Variants in ZNF283 observed in about 807,000 individuals in gnomAD.
ZNF283 encodes the protein zinc finger protein 283.
Under a neutral mutation model 9.2 loss-of-function variants are expected in ZNF283, and 10 were observed. The ratio of observed to expected loss-of-function variants is 1.09; its 90% CI spans 0.67 to 1.85. The LOEUF is 1.85. Among genes scored for constraint, ZNF283 ranks in the 40% most tolerant of loss-of-function variants. The pLI is 0.00. For missense variants in ZNF283, 631 were observed against 760.1 expected, an observed-to-expected ratio of 0.83 and a Z score of 2.00; for synonymous variants, 234 against 244.1, an observed-to-expected ratio of 0.96 and a Z score of 0.38.
chr19:43,848,666 G>A lies in ZNF283; in HGVS notation c.*25G>A. On this transcript the variant is annotated 3_prime_UTR_variant, in exon 7 of 7. Coordinates refer to ENST00000618787, the MANE Select transcript of ZNF283 (RefSeq NM_181845.2). Reference sequence around the variant, plus strand: ...ATTGAAAGTTGTAAAAGAATATTTTGTGTGTGTGTATAGACAACTTATCAT... The same window carrying A: ...ATTGAAAGTTGTAAAAGAATATTTTATGTGTGTGTATAGACAACTTATCAT... 6.6e-7 allele frequency: 1 copy of A among 1,521,520 alleles called. No homozygotes were observed. Among genetic ancestry groups the A allele is most frequent in the Non-Finnish European group, 8.8e-7 (1 of 1,134,454 alleles). 94.3% of individuals were successfully genotyped at this position (1,521,520 alleles called of 1,614,324 possible).
chr19:43,835,464 C>T, intron 4 of ZNF283, 41 bp from the exon 5 acceptor site: 1 of 1,377,132 alleles, frequency 7.3e-7, no homozygotes, highest in Admixed American at 1.8e-5. Context: ...GATGGGATCA[C>T]TGAGGCACAC....
Position 43,830,033 on chromosome 19 carries a change from G to A in ZNF283, c.-64-1285G>A, listed in dbSNP as rs139972062. 5.7e-3 allele frequency among the ~76,000 whole-genome samples: 875 copies of A among 152,192 alleles called. 3 individuals carry two copies. The highest frequency in any genetic ancestry group is 9.5e-3 in the Non-Finnish European group (643 of 67,986). On this transcript the variant is annotated intron_variant, in intron 2 of 6. Coordinates refer to ENST00000618787, the MANE Select transcript of ZNF283 (RefSeq NM_181845.2). ...GCAAGACTGTCTCACACACAGACAC[G>A]AAAAAGTGACCACATGCTCAAATGA...
rs1313183522 is a variant in ZNF283 at position 43,850,972 on chromosome 19, A to G, written c.*2331A>G. ...AACTAAATGTCTGTGGTTCCTTGTCATAGGTCTACACCTGACCTCTCTATT... is the reference window on the plus strand; with the variant it reads ...AACTAAATGTCTGTGGTTCCTTGTCGTAGGTCTACACCTGACCTCTCTATT... On this transcript the variant is annotated 3_prime_UTR_variant, in exon 7 of 7. Transcript: ENST00000618787. The G allele has an allele frequency of 6.6e-6, 1 of 152,212 alleles. No individual in the cohort carries two copies. Among genetic ancestry groups the G allele is most frequent in the African/African-American group, 2.4e-5 (1 of 41,440 alleles). The allele number at this position is 152,212 out of a possible 1,614,324, so 9.4% of individuals were successfully genotyped here.
At position 43,850,207 on chromosome 19, in the gene ZNF283, T is replaced by C. The variant is rs1971567713; in HGVS notation, c.*1566T>C. 6.6e-6 allele frequency: 1 copy of C among 152,226 alleles called. No homozygotes were observed. Among genetic ancestry groups the C allele is most frequent in the Non-Finnish European group, 1.5e-5 (1 of 68,036 alleles). The allele number at this position is 152,226 out of a possible 1,614,324, so 9.4% of individuals were successfully genotyped here. On this transcript the variant is annotated 3_prime_UTR_variant, in exon 7 of 7. Transcript: ENST00000618787. ...ATTTCTCGTAACATGAAGTTGGAAA[T>C]AGAGGCTTAAACATTTTTTACCAGA...
Position 43,848,704 on chromosome 19 carries a change from T to A in ZNF283, c.*63T>A. 1 of 1,447,544 alleles carries A rather than the reference T, an allele frequency of 6.9e-7. No individual in the cohort carries two copies. The allele number at this position is 1,447,544 out of a possible 1,614,324, so 89.7% of individuals were successfully genotyped here. On this transcript the variant is annotated 3_prime_UTR_variant, in exon 7 of 7. Coordinates refer to ENST00000618787, the MANE Select transcript of ZNF283 (RefSeq NM_181845.2). ...GACAACTTATCATAATAAGAACTCT[T>A]ACTCTTGAGAAACCTTGTGAATGTA...
intron 2 of ZNF283, among the ~76,000 whole-genome samples, chr19:43,830,418 T>G (rs1970653932): frequency 6.6e-6 from 1 of 152,144 alleles, no homozygotes; most frequent in African/African-American, 2.4e-5. Flanking sequence ...CTTGTTCCAT[T>G]GACGAGCTTC....
At chr19:43,835,736 A>G (rs1341066320) in intron 5 of ZNF283, 144 bp downstream of exon 5, 4 of 621,304 alleles carry the variant, frequency 6.4e-6, no homozygotes, top group African/African-American at 5.5e-5. Flanking sequence ...CTTGGTCTCA[A>G]CCTCAGTTTA....
chr19:43,845,026 A>C (rs763730208), intron 6 of ZNF283, among the ~76,000 whole-genome samples: 2 of 152,286 alleles, frequency 1.3e-5, no homozygotes, highest in Non-Finnish European at 2.9e-5. Context: ...ATCTTTCTTA[A>C]AATTAATTTA....
chr19:43,838,644 T>G (rs1404271712), intron 6 of ZNF283, among the ~76,000 whole-genome samples: 1 of 152,108 alleles, frequency 6.6e-6, no homozygotes, highest in Non-Finnish European at 1.5e-5. Context: ...TAAATAAATA[T>G]TGTGTTCCTC....
At position 43,850,235 on chromosome 19, in the gene ZNF283, A is replaced by G. The variant is rs1971568442; in HGVS notation, c.*1594A>G. 6.6e-6 allele frequency: 1 copy of G among 152,182 alleles called. No homozygotes were observed. Among genetic ancestry groups the G allele is most frequent in the Non-Finnish European group, 1.5e-5 (1 of 68,032 alleles). The allele number at this position is 152,182 out of a possible 1,614,324, so 9.4% of individuals were successfully genotyped here. ...AGGCTTAAACATTTTTTACCAGAAC[A>G]CTTCATAGATGGTGATGTGTACTTC... On this transcript the variant is annotated 3_prime_UTR_variant, in exon 7 of 7. Coordinates refer to ENST00000618787, the MANE Select transcript of ZNF283 (RefSeq NM_181845.2).
chr19:43,842,899 G>A (rs551231078), intron 6 of ZNF283, among the ~76,000 whole-genome samples: 1 of 152,244 alleles, frequency 6.6e-6, no homozygotes, highest in East Asian at 1.9e-4. Flanking sequence ...TGAAGAAGCA[G>A]TATTCATTTT....
rs771020581 is a variant in ZNF283, at chr19:43,848,122, A to G, written c.1521A>G (p.Val507=). 7 of 1,613,768 alleles carry G rather than the reference A, an allele frequency of 4.3e-6. No individual in the cohort carries two copies. Among genetic ancestry groups the G allele is most frequent in the East Asian group, 4.5e-5 (2 of 44,858 alleles). The change falls in exon 7 of 7, where the codon GTA becomes GTG. Residue 507 remains valine (V), a synonymous_variant. Transcript: ENST00000618787. The part of the protein sequence containing the change: ...CSGYQLTRHQ[V]FHTGEKPYEC... The stretch of plus-strand genomic sequence containing the variant: ...GGTATCAACTTACTCGACATCAGGT[A>G]TTTCACACTGGTGAGAAACCCTATG...
intron 6 of ZNF283, among the ~76,000 whole-genome samples, chr19:43,839,026 T>C (rs746928194): frequency 3.9e-5 from 6 of 152,230 alleles, no homozygotes; most frequent in African/African-American, 7.2e-5. Context: ...TGTAGTTACC[T>C]TTACCAATGT....
At chr19:43,832,343 A>G (rs1323649481) in intron 3 of ZNF283, among the ~76,000 whole-genome samples, 3 of 152,244 alleles carry the variant, frequency 2.0e-5, no homozygotes, top group Non-Finnish European at 2.9e-5. Flanking sequence ...TGTAAATACC[A>G]GGAGGTAGAA....
At position 43,837,077 on chromosome 19, in the gene ZNF283, G is replaced by A; in HGVS notation, c.235G>A (p.Ala79Thr). ...GGGGTTGGTGACATTCAGGGATGTG[G>A]CCATCGACTTCTCTCAGGAGGAGTG... ...TDGLVTFRDV[A>T]IDFSQEEWEC... The change falls in exon 6 of 7, where the codon GCC becomes ACC. Residue 79 changes from alanine to threonine, a missense_variant. Around this residue, in one of 3 missense-constraint regions of ZNF283, gnomAD observed 184 missense variants for 220.0 expected, o/e 0.84. Coordinates refer to ENST00000618787, the MANE Select transcript of ZNF283 (RefSeq NM_181845.2). 6.2e-7 allele frequency: 1 copy of A among 1,614,100 alleles called. No homozygotes were observed. Among genetic ancestry groups the A allele is most frequent in the Admixed American group, 1.7e-5 (1 of 60,008 alleles).
intron 3 of ZNF283, among the ~76,000 whole-genome samples, chr19:43,832,581 T>C (rs1020405994): frequency 6.6e-6 from 1 of 152,256 alleles, no homozygotes; most frequent in African/African-American, 2.4e-5. Flanking sequence ...AGACTCAAGG[T>C]TGACCTGTGA....
At chr19:43,834,784 C>T (rs996073501) in intron 4 of ZNF283, among the ~76,000 whole-genome samples, 5 of 151,700 alleles carry the variant, frequency 3.3e-5, no homozygotes, top group Admixed American at 2.0e-4. Flanking sequence ...TTTGTAGAGA[C>T]GGGGTTTCAC....
chr19:43,849,793 T>C lies in ZNF283; in HGVS notation c.*1152T>C, dbSNP rs1033169569. ...TAATAATGCTGTTACAGAGATTAGA[T>C]GGATTTAGTATGCATCATATCCTTG... is the stretch of plus-strand genomic sequence containing the variant. On this transcript the variant is annotated 3_prime_UTR_variant, in exon 7 of 7. Transcript: ENST00000618787. The C allele has an allele frequency of 1.3e-5, 2 of 152,236 alleles. No homozygotes were observed. Among genetic ancestry groups the C allele is most frequent in the African/African-American group, 4.8e-5 (2 of 41,468 alleles). The allele number at this position is 152,236 out of a possible 1,614,324, so 9.4% of individuals were successfully genotyped here.
Position 43,847,678 on chromosome 19 carries a change from C to G in ZNF283, c.1077C>G (p.Gly359=). 1 of 1,613,036 alleles carries G rather than the reference C, an allele frequency of 6.2e-7. No homozygotes were observed. Among genetic ancestry groups the G allele is most frequent in the Admixed American group, 1.7e-5 (1 of 59,964 alleles). The change falls in exon 7 of 7, where the codon GGC becomes GGG. Residue 359 remains glycine, a synonymous_variant. Coordinates refer to ENST00000618787, the MANE Select transcript of ZNF283 (RefSeq NM_181845.2). ...AATGTGGGAAGGCCTTCAGTCGTGG[C>G]TATCAGCTTACTCAGCATCAGAAAA... ...CKECGKAFSR[G]YQLTQHQKIH...
Sources: allele counts gnomAD v4.1 joint callset (sites outside exome capture counted in the v4.1 genomes callset), GRCh38; gene constraint gnomAD v4.1.1; regional missense constraint gnomAD v4.1.1; transcripts MANE v1.5; gene names NCBI Gene and HGNC (gene_info 2026-07-23, HGNC 2026-07-21).